Variants in SLC38A8 observed in about 807,000 individuals in gnomAD.
The protein encoded by SLC38A8 is solute carrier family 38 member 8.
SLC38A8 carries 65 observed loss-of-function variants against 46.0 expected under a neutral mutation model. That is an observed-to-expected ratio of 1.41 (90% CI 1.16 to 1.74). SLC38A8 has a LOEUF of 1.74. Ranked by LOEUF, SLC38A8 falls within the 40% of genes most tolerant of loss-of-function variation. The pLI, the probability that SLC38A8 is intolerant of heterozygous loss-of-function variation, is 0.00. For synonymous variants in SLC38A8, 447 were observed against 243.7 expected (o/e 1.83, Z -7.77); for missense variants, 998 against 567.9 (o/e 1.76, Z -7.70).
intron 7 of SLC38A8, among the ~76,000 whole-genome samples, chr16:84,021,158 G>C (rs937099609): frequency 6.6e-6 from 1 of 152,108 alleles, no homozygotes; most frequent in Non-Finnish European, 1.5e-5. Flanking sequence ...CAGCTCCCAG[G>C]TTCAATTGAT....
chr16:84,026,384 G>T (rs1263518675), intron 6 of SLC38A8, among the ~76,000 whole-genome samples: 2 of 152,206 alleles, frequency 1.3e-5, no homozygotes, highest in African/African-American at 4.8e-5. Flanking sequence ...GCACCGCCAT[G>T]CCCGGCTAAT....
rs1216009626 is a variant in SLC38A8, at chr16:84,036,805, C to A, written c.285G>T (p.Leu95=). ...ACAGCTTCCCAATGGCAGGGCCACA[C>A]AGCCCCCTGACCACACCCTGGTAGG... ...QATYQGVVRG[L]CGPAIGKLCE... The change falls in exon 3 of 11, where the codon CTG becomes CTT. Residue 95 remains leucine (L), a synonymous_variant. Coordinates refer to ENST00000299709, the MANE Select transcript of SLC38A8 (RefSeq NM_001080442.3). 2 of 1,614,106 alleles carry A rather than the reference C, an allele frequency of 1.2e-6. No individual in the cohort carries two copies.
intron 6 of SLC38A8, among the ~76,000 whole-genome samples, chr16:84,026,990 C>T (rs1488050977): frequency 2.6e-5 from 4 of 152,166 alleles, no homozygotes; most frequent in South Asian, 2.1e-4. Flanking sequence ...AAATCCATTG[C>T]ACTGCACACT....
At chr16:84,042,941 G>A (rs774633299), upstream of SLC38A8, among the ~76,000 whole-genome samples, 10 of 152,180 alleles carry the variant, frequency 6.6e-5, no homozygotes, top group Non-Finnish European at 1.3e-4. Context: ...ACGGGGCAGG[G>A]GAGCAGGCAC....
Position 84,031,820 on chromosome 16 carries a change from C to A in SLC38A8, c.632+47G>T, listed in dbSNP as rs201162224. On this transcript the variant is annotated intron_variant, in intron 5 of 10. Coordinates refer to ENST00000299709, the MANE Select transcript of SLC38A8 (RefSeq NM_001080442.3). ...AAGACTCCCCTCACAGACTCCCCTG[C>A]CGTGCCTCCCCGCCGAGGCTGCCGG... 8 of 1,524,440 alleles carry A rather than the reference C, an allele frequency of 5.2e-6. No individual in the cohort carries two copies. The East Asian group carries it at 1.6e-4, about 30-fold the overall frequency. 94.4% of individuals were successfully genotyped at this position (1,524,440 alleles called of 1,614,324 possible).
intron 9 of SLC38A8, among the ~76,000 whole-genome samples, chr16:84,013,422 GTGTTTT>G (rs1326185632): frequency 5.2e-4 from 57 of 108,686 alleles, no homozygotes; most frequent in African/African-American, 2.2e-3. Flanking sequence ...TGTTGTGTGT[GTGTTTT>G]TTTTTTTTTT....
At chr16:84,025,235 C>T (rs566840952) in intron 6 of SLC38A8, among the ~76,000 whole-genome samples, 150 of 152,188 alleles carry the variant, frequency 9.9e-4, no homozygotes, top group Admixed American at 9.2e-4. Context: ...CACACCCACT[C>T]TCTCACTCCT....
chr16:84,021,170 C>A (rs564211837), intron 7 of SLC38A8, among the ~76,000 whole-genome samples: 70 of 152,316 alleles, frequency 4.6e-4, no homozygotes, highest in African/African-American at 1.5e-3. Context: ...TCAATTGATA[C>A]TCCTGCCTCA....
chr16:84,029,433 G>A (rs771245453), intron 6 of SLC38A8, 61 bp downstream of exon 6: 13 of 1,574,960 alleles, frequency 8.3e-6, no homozygotes, highest in Non-Finnish European at 1.1e-5. Context: ...TCCCAAGGGA[G>A]CAGAGAGTCA....
intron 5 of SLC38A8, among the ~76,000 whole-genome samples, chr16:84,030,385 G>C (rs904156278): frequency 6.6e-6 from 1 of 152,062 alleles, no homozygotes; most frequent in Admixed American, 6.5e-5. Flanking sequence ...CTGTGCTAGA[G>C]TACCACCGGC....
chr16:84,026,918 G>A (rs556847922), intron 6 of SLC38A8, among the ~76,000 whole-genome samples: 1 of 152,184 alleles, frequency 6.6e-6, no homozygotes, highest in Non-Finnish European at 1.5e-5. Flanking sequence ...GGGTTTCTTC[G>A]AGGGGCAACA....
chr16:84,025,344 G>A (rs1198337123), intron 6 of SLC38A8, among the ~76,000 whole-genome samples: 3 of 152,268 alleles, frequency 2.0e-5, no homozygotes, highest in South Asian at 2.1e-4. Flanking sequence ...GCGCCTCAGG[G>A]CCTTTGCTAC....
chr16:84,037,023 A>C (rs2326159), intron 2 of SLC38A8, 123 bp from the exon 3 acceptor site: 4 of 982,052 alleles, frequency 4.1e-6, no homozygotes, highest in Non-Finnish European at 1.5e-6. Flanking sequence ...GCTGCTGCCA[A>C]CATGGGGTTG....
Position 84,017,133 on chromosome 16 carries a change from G to A in SLC38A8, c.953+7C>T. ...TTCACGGTGCCCCCCACTGAGCCAGGCCTCACCTCCCCAGGAAGAGCACGA... is the reference window on the plus strand; with the variant it reads ...TTCACGGTGCCCCCCACTGAGCCAGACCTCACCTCCCCAGGAAGAGCACGA... On this transcript the variant is annotated splice_region_variant and intron_variant, in intron 8 of 10. Coordinates refer to ENST00000299709, the MANE Select transcript of SLC38A8 (RefSeq NM_001080442.3). The A allele has an allele frequency of 6.2e-7, 1 of 1,613,910 alleles. No individual in the cohort carries two copies. The highest frequency in any genetic ancestry group is 8.5e-7 in the Non-Finnish European group (1 of 1,179,956).
intron 9 of SLC38A8, among the ~76,000 whole-genome samples, chr16:84,014,061 T>A (rs1305688548): frequency 1.4e-5 from 2 of 145,446 alleles, no homozygotes; most frequent in South Asian, 4.4e-4. Flanking sequence ...CACACTCTCA[T>A]CTCTGAAAGG....
chr16:84,027,461 CACTG>C (rs557645098), intron 6 of SLC38A8, among the ~76,000 whole-genome samples: 5 of 152,358 alleles, frequency 3.3e-5, no homozygotes, highest in Admixed American at 3.3e-4. Context: ...AGGCCCCTCT[CACTG>C]ACTGGACAGG....
chr16:84,033,533 C>T, intron 3 of SLC38A8, 64 bp from the exon 4 acceptor site: 1 of 1,506,124 alleles, frequency 6.6e-7, no homozygotes, highest in African/African-American at 1.4e-5. Flanking sequence ...CGGCTCCCAC[C>T]TGGCCCTTCA....
intron 5 of SLC38A8, among the ~76,000 whole-genome samples, chr16:84,030,719 A>G (rs7194952): frequency 0.42 from 64,231 of 151,986 alleles, 14,925 homozygotes; most frequent in African/African-American, 0.62. Context: ...AGCAGCACTG[A>G]CCACAGAATT....
intron 3 of SLC38A8, among the ~76,000 whole-genome samples, chr16:84,035,025 G>C (rs1164168080): frequency 1.3e-5 from 2 of 152,288 alleles, no homozygotes; most frequent in East Asian, 3.9e-4. Context: ...CTTCCCTACA[G>C]AGAGGCATCC....
Sources: gnomAD v4.1 joint callset for allele counts (sites outside exome capture counted in the v4.1 genomes callset) on GRCh38, gnomAD v4.1.1 for gene constraint, MANE v1.5 for transcripts, NCBI Gene and HGNC (gene_info 2026-07-23, HGNC 2026-07-21) for gene names.